The following ATG4D variants were observed in gnomAD, a reference collection of about 807,000 sequenced individuals.
The protein encoded by ATG4D is autophagy related 4D cysteine peptidase.
A neutral mutation model predicts 55.2 loss-of-function variants in ATG4D; 51 were observed. That is an observed-to-expected ratio of 0.92 (90% confidence interval 0.74 to 1.17). The LOEUF (loss-of-function observed/expected upper bound fraction) is 1.17, where lower values mean the gene tolerates loss of function less well. Among genes scored for constraint, ATG4D ranks in the 50% most tolerant of loss-of-function variants. The probability of loss-of-function intolerance (pLI) is 0.00; values close to 1 mark genes in which losing one functional copy is unlikely to be tolerated. For missense variants in ATG4D, 635 were observed against 649.6 expected, an observed-to-expected ratio of 0.98 and a Z score of 0.25; for synonymous variants, 268 against 266.2, an observed-to-expected ratio of 1.01 and a Z score of -0.07.
chr19:10,544,071 T>C lies in ATG4D; in HGVS notation c.-20T>C, dbSNP rs1915950412. On this transcript the variant is annotated 5_prime_UTR_variant, in exon 1 of 10. Coordinates refer to ENST00000309469, the MANE Select transcript of ATG4D (RefSeq NM_032885.6). ...CGCAGCCCCCCACCTGGGCCCTCGG[T>C]CCGCCCTCCCGGCGCGTCCATGAAC... The C allele has an allele frequency of 3.2e-6, 4 of 1,232,708 alleles. No homozygotes were observed. The highest frequency in any genetic ancestry group is 4.1e-6 in the Non-Finnish European group (4 of 983,488). The allele number at this position is 1,232,708 out of a possible 1,614,324, so 76.4% of individuals were successfully genotyped here. A position where few individuals can be genotyped will look rare whatever the true frequency, so the allele number is the denominator to read the frequency against.
rs1916344634 is a variant in ATG4D, at chr19:10,553,053, T to C, written c.1411T>C (p.Phe471Leu). The change falls in exon 10 of 10, where the codon TTT (phenylalanine) becomes CTT (leucine). Residue 471 changes from phenylalanine to leucine, a missense_variant. Phe to Leu is a conservative substitution (Grantham distance 22). Transcript: ENST00000309469. ...GGCCAAACGCCCCAGCTCTGAGGAC[T>C]TTGTGTTTTTATAAAGGGAGGGGAT... ...LRAKRPSSED[F>L]VFL The C allele has an allele frequency of 6.2e-7, 1 of 1,600,312 alleles. No individual in the cohort carries two copies. Among genetic ancestry groups the C allele is most frequent in the Admixed American group, 1.7e-5 (1 of 58,156 alleles).
At chr19:10,544,463 C>A in intron 1 of ATG4D, 138 bp downstream of exon 1, 1 of 918,558 alleles carries the variant, frequency 1.1e-6, no homozygotes, top group Non-Finnish European at 1.5e-6. Context: ...CAGGGTGGAC[C>A]TGTGGCAGGT....
chr19:10,544,899 G>T (rs1403648201), intron 2 of ATG4D, 33 bp downstream of exon 2: 2 of 1,595,038 alleles, frequency 1.3e-6, no homozygotes, highest in Non-Finnish European at 1.7e-6. Context: ...GGCTGGGGGA[G>T]GCCTCTCCAC....
rs2144686353 is a variant in ATG4D, at chr19:10,546,952, G to T, written c.607G>T (p.Ala203Ser). The T allele has an allele frequency of 6.2e-7, 1 of 1,611,358 alleles. No homozygotes were observed. Among genetic ancestry groups the T allele is most frequent in the East Asian group, 2.2e-5 (1 of 44,800 alleles). The stretch of plus-strand genomic sequence containing the variant: ...GATGCCCCCACGCTGGGCCCAGGGT[G>T]CCCCTGAGCTGGAGCAGGAACGCCG... ...RWMPPRWAQG[A>S]PELEQERRHR... The change falls in exon 4 of 10, where the codon GCC becomes TCC. Residue 203 changes from alanine to serine, a missense_variant. By Grantham distance (99) the Ala-to-Ser change is moderately conservative. Coordinates refer to ENST00000309469, the MANE Select transcript of ATG4D (RefSeq NM_032885.6).
At chr19:10,552,753 G>A in intron 9 of ATG4D, 132 bp from the exon 10 acceptor site, 1 of 951,586 alleles carries the variant, frequency 1.1e-6, no homozygotes, top group South Asian at 1.7e-5. Flanking sequence ...ACTGTGGCCA[G>A]GGGATGGAAG....
In ATG4D at chr19:10,552,865, T is replaced by C. The variant is rs568197123; in HGVS notation, c.1243-20T>C. 48 of 1,594,200 alleles carry C rather than the reference T, an allele frequency of 3.0e-5. No homozygotes were observed. The South Asian group carries it at 4.8e-4, about 16-fold the overall frequency. On this transcript the variant is annotated intron_variant, in intron 9 of 9. Transcript: ENST00000309469. ...GCTTGGCACTGTTTGTGGCTGACCC[T>C]GTCTCCCTCTTCCCGCCAGGTCCTC... is the stretch of plus-strand genomic sequence containing the variant.
intron 9 of ATG4D, 45 bp downstream of exon 9, chr19:10,552,369 C>T: frequency 1.9e-6 from 3 of 1,577,668 alleles, no homozygotes; most frequent in Non-Finnish European, 2.6e-6. Context: ...GGCGGTTGGG[C>T]AGGGCTGGGG....
chr19:10,550,774 T>C lies in ATG4D; in HGVS notation c.967-1123T>C, dbSNP rs1299153527. On this transcript the variant is annotated intron_variant, in intron 6 of 9. Transcript: ENST00000309469. ...TCACTCAGGCTGGAGTGCAGTGGCA[T>C]GATCTCAGCTCACTGCAAGCTCCAC... Among the ~76,000 whole-genome samples the C allele has an allele frequency of 9.0e-5, 13 of 144,908 alleles. No individual in the cohort carries two copies. In the East Asian group the frequency reaches 2.8e-3, roughly 31 times the overall value.
intron 5 of ATG4D, among the ~76,000 whole-genome samples, chr19:10,548,490 A>G (rs376668970): frequency 1.3e-5 from 2 of 152,118 alleles, no homozygotes; most frequent in East Asian, 1.9e-4. Context: ...GCCCAAGTAA[A>G]TGGGACTGGA....
Position 10,547,059 on chromosome 19 carries a change from C to A in ATG4D, c.714C>A (p.Ser238Arg). 6.3e-7 allele frequency: 1 copy of A among 1,588,880 alleles called. No individual in the cohort carries two copies. Among genetic ancestry groups the A allele is most frequent in the Non-Finnish European group, 8.6e-7 (1 of 1,169,286 alleles). ...ACCGGCTGGTGGAGCTTGGGCAGAGCTCAGGCAAGAAGGCAGGTGACTGGT... is the reference window on the plus strand; with the variant it reads ...ACCGGCTGGTGGAGCTTGGGCAGAGATCAGGCAAGAAGGCAGGTGACTGGT... The part of the protein sequence containing the change: ...GLHRLVELGQ[S>R]SGKKAGDWYG... The change falls in exon 4 of 10, where the codon AGC (serine) becomes AGA (arginine). Residue 238 changes from serine to arginine, a missense_variant. Coordinates refer to ENST00000309469, the MANE Select transcript of ATG4D (RefSeq NM_032885.6).
At chr19:10,552,386 G>A (rs1916294943) in intron 9 of ATG4D, 62 bp downstream of exon 9, 1 of 1,542,456 alleles carries the variant, frequency 6.5e-7, no homozygotes, top group South Asian at 1.2e-5. Flanking sequence ...GGGGGTGAAA[G>A]AGGAACAGAG....
intron 9 of ATG4D, 23 bp downstream of exon 9, chr19:10,552,347 T>A (rs1487272991): frequency 6.3e-7 from 1 of 1,598,274 alleles, no homozygotes; most frequent in Non-Finnish European, 8.5e-7. Context: ...AAAGCTGGAG[T>A]GGGGTGAGGG....
chr19:10,547,661 A>AGT (rs1431860920), intron 5 of ATG4D, among the ~76,000 whole-genome samples: 4 of 145,184 alleles, frequency 2.8e-5, no homozygotes, highest in Non-Finnish European at 6.0e-5. Flanking sequence ...GGCCAGGCGC[A>AGT]GTGGCTCACG....
rs991719441 is a variant in ATG4D at position 10,546,522 on chromosome 19, AT to A, written c.494-306del. Among the ~76,000 whole-genome samples the A allele has an allele frequency of 5.7e-4, 82 of 142,832 alleles. 1 individual carries two copies. The highest frequency in any genetic ancestry group is 4.3e-4 in the Non-Finnish European group (28 of 64,976). The allele number at this position is 142,832 out of a possible 152,430, so 93.7% of individuals were successfully genotyped here. A position where few individuals can be genotyped will look rare whatever the true frequency, so the allele number is the denominator to read the frequency against. ...CACCACGCTTGTCTACTTTTTGTATATTTTTTTTTTTATCAGAGAAGGGGTT... is the reference window on the plus strand; with the variant it reads ...CACCACGCTTGTCTACTTTTTGTATATTTTTTTTTTATCAGAGAAGGGGTT... On this transcript the variant is annotated intron_variant, in intron 3 of 9. Coordinates refer to ENST00000309469, the MANE Select transcript of ATG4D (RefSeq NM_032885.6).
At chr19:10,546,522 A>G (rs968135002) in intron 3 of ATG4D, among the ~76,000 whole-genome samples, 1 of 142,954 alleles carries the variant, frequency 7.0e-6, no homozygotes, top group African/African-American at 2.6e-5. Context: ...CTTTTTGTAT[A>G]TTTTTTTTTT....
chr19:10,549,052 C>A lies in ATG4D; in HGVS notation c.966+18C>A. 1 of 1,613,630 alleles carries A rather than the reference C, an allele frequency of 6.2e-7. No homozygotes were observed. Among genetic ancestry groups the A allele is most frequent in the South Asian group, 1.1e-5 (1 of 91,042 alleles). On this transcript the variant is annotated intron_variant, in intron 6 of 9. Coordinates refer to ENST00000309469, the MANE Select transcript of ATG4D (RefSeq NM_032885.6). ...GCGTGAAGGTAGGTTCAGCTGAATT[C>A]TAGGACACCTCCACCTGGGAGCCCT...
chr19:10,553,030 C>T lies in ATG4D; in HGVS notation c.1388C>T (p.Ala463Val), dbSNP rs999597871. 6.2e-7 allele frequency: 1 copy of T among 1,611,574 alleles called. No individual in the cohort carries two copies. Among genetic ancestry groups the T allele is most frequent in the Non-Finnish European group, 8.5e-7 (1 of 1,179,742 alleles). Residue 463 changes from alanine (A) to valine (V), a missense_variant, in exon 10 of 10, where the codon GCC (alanine) becomes GTC (valine). Physicochemically the swap from Ala to Val is moderately conservative, Grantham distance 64. Coordinates refer to ENST00000309469, the MANE Select transcript of ATG4D (RefSeq NM_032885.6). Reference sequence around the variant, plus strand: ...CCTCGCACAGGGCGGCTCCTCAGGGCCAAACGCCCCAGCTCTGAGGACTTT... The same window carrying T: ...CCTCGCACAGGGCGGCTCCTCAGGGTCAAACGCCCCAGCTCTGAGGACTTT... Reference protein sequence around the residue: ...RLPRTGRLLRAKRPSSEDFVF... With the variant: ...RLPRTGRLLRVKRPSSEDFVF...
chr19:10,546,119 G>A (rs962419173), intron 3 of ATG4D, among the ~76,000 whole-genome samples: 6 of 151,924 alleles, frequency 3.9e-5, no homozygotes, highest in African/African-American at 1.2e-4. Flanking sequence ...ATAGGCATTC[G>A]ACACCAGCCT....
chr19:10,548,982 C>T lies in ATG4D; in HGVS notation c.914C>T (p.Pro305Leu). 1.2e-6 allele frequency: 2 copies of T among 1,614,086 alleles called. No homozygotes were observed. Among genetic ancestry groups the T allele is most frequent in the Non-Finnish European group, 1.7e-6 (2 of 1,180,018 alleles). The change falls in exon 6 of 10, where the codon CCC becomes CTC. Residue 305 changes from proline to leucine, a missense_variant. Coordinates refer to ENST00000309469, the MANE Select transcript of ATG4D (RefSeq NM_032885.6). ...AEWKSVVILV[P>L]VRLGGETLNP... The stretch of plus-strand genomic sequence containing the variant: ...TGGAAGTCTGTGGTCATCCTGGTGC[C>T]CGTGCGACTGGGTGGCGAGACTCTC...
Sources: allele counts gnomAD v4.1 joint callset (sites outside exome capture counted in the v4.1 genomes callset), GRCh38; gene constraint gnomAD v4.1.1; transcripts MANE v1.5; gene names NCBI Gene and HGNC (gene_info 2026-07-23, HGNC 2026-07-21).